Variants in CACNA2D1 observed in about 807,000 individuals in gnomAD.
CACNA2D1 encodes the protein voltage-dependent calcium channel subunit alpha-2/delta-1.
A neutral mutation model predicts 171.5 loss-of-function variants in CACNA2D1; 53 were observed. That is an observed-to-expected ratio of 0.31 (90% CI 0.25 to 0.39). The LOEUF is 0.39. CACNA2D1 is among the 10% of genes least tolerant of loss of function. The probability of loss-of-function intolerance (pLI) is 1.00; values close to 1 mark genes in which losing one functional copy is unlikely to be tolerated. For missense variants in CACNA2D1, 903 were observed against 1,299.8 expected (o/e 0.69, Z 4.69); for synonymous variants, 442 against 443.1 (o/e 1.00, Z 0.03).
At chr7:81,981,924 T>G (rs1268573406) in intron 24 of CACNA2D1, among the ~76,000 whole-genome samples, 1 of 152,172 alleles carries the variant, frequency 6.6e-6, no homozygotes, top group East Asian at 1.9e-4. Context: ...AATCCATTAT[T>G]ATGTTCATTC....
chr7:82,381,368 T>C (rs1057200840), intron 1 of CACNA2D1, among the ~76,000 whole-genome samples: 6 of 151,372 alleles, frequency 4.0e-5, no homozygotes, highest in Admixed American at 3.3e-4. Flanking sequence ...CTATCTAGAT[T>C]CCATGATCCT....
intron 24 of CACNA2D1, among the ~76,000 whole-genome samples, chr7:81,979,740 A>G (rs941685982): frequency 6.6e-6 from 1 of 152,180 alleles, no homozygotes; most frequent in African/African-American, 2.4e-5. Context: ...AATTCAAAGT[A>G]ACTTGAAATT....
At chr7:81,983,706 G>A (rs1162375152) in intron 22 of CACNA2D1, among the ~76,000 whole-genome samples, 3 of 152,118 alleles carry the variant, frequency 2.0e-5, no homozygotes, top group African/African-American at 7.2e-5. Context: ...ATGCAGAATT[G>A]CTGGTTGTGA....
At chr7:82,051,857 C>A (rs1456403737) in intron 10 of CACNA2D1, among the ~76,000 whole-genome samples, 1 of 152,162 alleles carries the variant, frequency 6.6e-6, no homozygotes, top group Non-Finnish European at 1.5e-5. Flanking sequence ...AAGCATATAA[C>A]TGGATTAGTG....
At chr7:82,346,788 C>T (rs753316592) in intron 2 of CACNA2D1, among the ~76,000 whole-genome samples, 5 of 152,004 alleles carry the variant, frequency 3.3e-5, no homozygotes, top group Admixed American at 2.0e-4. Flanking sequence ...ATAAAAAGAG[C>T]ATTAGCATAA....
In CACNA2D1 at chr7:81,970,734, C is replaced by T. The variant is rs1795180205; in HGVS notation, c.2145G>A (p.Lys715=). 6.4e-7 allele frequency: 1 copy of T among 1,574,584 alleles called. No homozygotes were observed. Among genetic ancestry groups the T allele is most frequent in the South Asian group, 1.1e-5 (1 of 90,322 alleles). The change falls in exon 27 of 39, where the codon AAG becomes AAA. Residue 715 remains lysine, a synonymous_variant. Transcript: ENST00000356860. ...QNYWSKQKNI[K]GVKARFVVTD... is the part of the protein sequence containing the mutation. ...TCACAACAAATCGTGCTTTCACTCCCTTGCTGAAACAGAAGACAAAACAAG... is the reference window on the plus strand; with the variant it reads ...TCACAACAAATCGTGCTTTCACTCCTTTGCTGAAACAGAAGACAAAACAAG...
chr7:82,387,933 T>G (rs1824601087), intron 1 of CACNA2D1, among the ~76,000 whole-genome samples: 1 of 151,958 alleles, frequency 6.6e-6, no homozygotes, highest in Admixed American at 6.6e-5. Context: ...AATTAAAAAA[T>G]TAGCTGGTCA....
At position 81,965,634 on chromosome 7, in the gene CACNA2D1, C is replaced by G; in HGVS notation, c.2534G>C (p.Gly845Ala). The change falls in exon 32 of 39, where the codon GGG becomes GCG. Residue 845 changes from glycine to alanine, a missense_variant. By Grantham distance (60) the Gly-to-Ala change is moderately conservative. Transcript: ENST00000356860. ...VMDCVILDDG[G>A]FLLMANHDDY... ...ATCATGATTTGCCATCAGAAGAAAC[C>G]CACCATCATCCAGAATCACACAATC... 1 of 1,595,934 alleles carries G rather than the reference C, an allele frequency of 6.3e-7. No individual in the cohort carries two copies.
intron 10 of CACNA2D1, among the ~76,000 whole-genome samples, chr7:82,039,227 G>T: frequency 6.6e-6 from 1 of 151,626 alleles, no homozygotes; most frequent in Middle Eastern, 3.5e-3. Flanking sequence ...TGGGTCATAA[G>T]TTATTACATA....
intron 3 of CACNA2D1, among the ~76,000 whole-genome samples, chr7:82,213,410 A>G (rs1800765706): frequency 6.6e-6 from 1 of 152,166 alleles, no homozygotes; most frequent in Admixed American, 6.5e-5. Flanking sequence ...AGGTCAGACA[A>G]GGTCATAACA....
At chr7:82,105,165 A>G (rs1228492121) in intron 6 of CACNA2D1, among the ~76,000 whole-genome samples, 2 of 152,114 alleles carry the variant, frequency 1.3e-5, no homozygotes, top group African/African-American at 2.4e-5. Context: ...TTGTAAGGTT[A>G]AAATACCAGA....
At chr7:81,958,223 G>T (rs531226034) in intron 38 of CACNA2D1, among the ~76,000 whole-genome samples, 1 of 151,934 alleles carries the variant, frequency 6.6e-6, no homozygotes, top group Admixed American at 6.6e-5. Flanking sequence ...CCCCATTACT[G>T]ATTTTATTAC....
chr7:82,113,842 T>C (rs190390605), intron 6 of CACNA2D1, among the ~76,000 whole-genome samples: 1 of 152,260 alleles, frequency 6.6e-6, no homozygotes, highest in African/African-American at 2.4e-5. Context: ...ACATTGGACA[T>C]GAATTTTAAA....
chr7:82,103,558 T>C (rs563568190), intron 6 of CACNA2D1, among the ~76,000 whole-genome samples: 4 of 152,286 alleles, frequency 2.6e-5, no homozygotes, highest in African/African-American at 4.8e-5. Flanking sequence ...ACAAGACACA[T>C]GATTACCAGT....
At chr7:82,125,938 A>G (rs527833330) in intron 5 of CACNA2D1, among the ~76,000 whole-genome samples, 4 of 152,374 alleles carry the variant, frequency 2.6e-5, no homozygotes, top group African/African-American at 9.6e-5. Flanking sequence ...ATACACAAAC[A>G]CGCTCCATTT....
chr7:82,169,121 T>C (rs1310383654), intron 4 of CACNA2D1, among the ~76,000 whole-genome samples: 1 of 152,106 alleles, frequency 6.6e-6, no homozygotes, highest in Non-Finnish European at 1.5e-5. Context: ...TTTGTTTTGC[T>C]GCTTTTTCCC....
chr7:82,064,545 C>A (rs1807366748), intron 8 of CACNA2D1, among the ~76,000 whole-genome samples, 191 bp from the exon 9 acceptor site: 1 of 151,938 alleles, frequency 6.6e-6, no homozygotes, highest in African/African-American at 2.4e-5. Flanking sequence ...TCCAATATAA[C>A]AATAGAGATG....
At chr7:82,226,354 C>T (rs1251203877) in intron 3 of CACNA2D1, among the ~76,000 whole-genome samples, 1 of 152,172 alleles carries the variant, frequency 6.6e-6, no homozygotes. Context: ...AGCAACCCTT[C>T]AAGAAAAATA....
intron 9 of CACNA2D1, among the ~76,000 whole-genome samples, chr7:82,062,684 G>A (rs775228641): frequency 8.2e-5 from 11 of 134,830 alleles, no homozygotes; most frequent in Admixed American, 3.1e-4. Context: ...GTGCCATGTT[G>A]GTGTGTTGCA....
Sources: gnomAD v4.1 joint callset for allele counts (sites outside exome capture counted in the v4.1 genomes callset) on GRCh38, gnomAD v4.1.1 for gene constraint, MANE v1.5 for transcripts, NCBI Gene and HGNC (gene_info 2026-07-23, HGNC 2026-07-21) for gene names.